Variants in RGSL1 observed in about 807,000 individuals in gnomAD.
RGSL1 encodes the protein regulator of G protein signaling like 1.
Under a neutral mutation model 124.7 loss-of-function variants are expected in RGSL1, and 97 were observed. The ratio of observed to expected loss-of-function variants is 0.78; its 90% CI spans 0.66 to 0.92. The LOEUF is 0.92. Among genes scored for constraint, RGSL1 ranks in the 40% least tolerant of loss-of-function variants. RGSL1 has a pLI of 0.00. For missense variants in RGSL1, 1,233 were observed against 1,288.4 expected (o/e 0.96, Z 0.66); for synonymous variants, 424 against 438.1 (o/e 0.97, Z 0.40).
intron 4 of RGSL1, among the ~76,000 whole-genome samples, chr1:182,467,192 C>A (rs1653409638): frequency 6.6e-6 from 1 of 152,060 alleles, no homozygotes; most frequent in African/African-American, 2.4e-5. Flanking sequence ...CCATACTGCC[C>A]AAGGTAATTT....
chr1:182,510,315 G>A (rs1231540966), intron 9 of RGSL1, among the ~76,000 whole-genome samples: 1 of 36,708 alleles, frequency 2.7e-5, no homozygotes, highest in Non-Finnish European at 6.2e-5. Context: ...CACTTTGGGA[G>A]GCCAAGGCAG....
chr1:182,504,352 A>G (rs563128831), intron 9 of RGSL1, among the ~76,000 whole-genome samples: 2 of 151,684 alleles, frequency 1.3e-5, no homozygotes, highest in Admixed American at 1.3e-4. Flanking sequence ...TTCTTTGCTC[A>G]TGGTTTCCTT....
chr1:182,519,509 T>C (rs967232885), intron 9 of RGSL1, among the ~76,000 whole-genome samples: 2 of 152,148 alleles, frequency 1.3e-5, no homozygotes, highest in African/African-American at 2.4e-5. Flanking sequence ...TGTTTCTTTT[T>C]ACTCTCACAT....
intron 9 of RGSL1, among the ~76,000 whole-genome samples, chr1:182,511,284 C>T (rs1036820191): frequency 5.9e-5 from 9 of 152,164 alleles, no homozygotes; most frequent in African/African-American, 1.7e-4. Flanking sequence ...CCTGCCTCAG[C>T]CTCCCAAGTA....
Position 182,547,810 on chromosome 1 carries a change from G to A in RGSL1, c.2670-507G>A, listed in dbSNP as rs182868922. On this transcript the variant is annotated intron_variant, in intron 15 of 21. Transcript: ENST00000294854. Reference sequence around the variant, plus strand: ...CGGGAGGCCAAGCTTGCAGTGAGCCGAGATCACACCACTGCACTCCAGCCT... The same window carrying A: ...CGGGAGGCCAAGCTTGCAGTGAGCCAAGATCACACCACTGCACTCCAGCCT... Among the ~76,000 whole-genome samples the A allele has an allele frequency of 1.3e-4, 20 of 152,178 alleles. No individual in the cohort carries two copies. In the East Asian group the frequency reaches 1.4e-3, roughly 10 times the overall value.
At chr1:182,453,429 T>C (rs1322952582) in intron 1 of RGSL1, 1 of 153,618 alleles carries the variant, frequency 6.5e-6, no homozygotes, top group African/African-American at 2.4e-5. Context: ...TATGTTCTGC[T>C]CTGGGAAGCA....
At chr1:182,537,311 T>A (rs1037771264) in intron 14 of RGSL1, among the ~76,000 whole-genome samples, 1 of 152,186 alleles carries the variant, frequency 6.6e-6, no homozygotes, top group Non-Finnish European at 1.5e-5. Context: ...AGTCTATATG[T>A]ATAAGGAGTA....
intron 1 of RGSL1, chr1:182,450,392 T>C (rs1040918619): frequency 1.5e-5 from 9 of 599,880 alleles, no homozygotes; most frequent in Non-Finnish European, 1.8e-5. Flanking sequence ...GCCTTATTCA[T>C]AAGACAACTA....
At chr1:182,487,053 A>T (rs1303167017) in intron 6 of RGSL1, among the ~76,000 whole-genome samples, 6 of 152,124 alleles carry the variant, frequency 3.9e-5, no homozygotes, top group Non-Finnish European at 7.3e-5. Flanking sequence ...TTCATATTTA[A>T]TATATATTTA....
rs546765974 is a variant in RGSL1 at position 182,462,610 on chromosome 1, T to A, written c.301+2477T>A. On this transcript the variant is annotated intron_variant, in intron 4 of 21. Transcript: ENST00000294854. ...TTTGGTTGGTAACTCCACATTAAAT[T>A]TTGTTTTCCACATAATTTAAGATAT... Among the ~76,000 whole-genome samples the A allele has an allele frequency of 7.9e-4, 121 of 152,338 alleles. 1 individual carries two copies. In the Middle Eastern group the frequency reaches 0.034, roughly 43 times the overall value.
Position 182,474,060 on chromosome 1 carries a change from A to G in RGSL1, c.949A>G (p.Ile317Val). Residue 317 changes from isoleucine to valine, a missense_variant, in exon 6 of 22, where the codon ATA becomes GTA. Physicochemically the swap from Ile to Val is conservative, Grantham distance 29 (BLOSUM62 3). Transcript: ENST00000294854. ...SLEKDMHYAK[I>V]SSMENKAKSH... is the part of the protein sequence containing the mutation. ...GGAAAAGGATATGCATTATGCAAAA[A>G]TATCCAGCATGGAGAATAAAGCCAA... is the stretch of plus-strand genomic sequence containing the variant. The G allele has an allele frequency of 6.4e-7, 1 of 1,551,820 alleles. No homozygotes were observed. Among genetic ancestry groups the G allele is most frequent in the Non-Finnish European group, 8.7e-7 (1 of 1,147,004 alleles).
At chr1:182,534,945 CA>C (rs1380994907) in intron 14 of RGSL1, among the ~76,000 whole-genome samples, 1 of 152,144 alleles carries the variant, frequency 6.6e-6, no homozygotes, top group Non-Finnish European at 1.5e-5. Context: ...TCCACTTCCC[CA>C]ACATTATGTG....
rs540454262 is a variant in RGSL1 at position 182,534,556 on chromosome 1, G to A, written c.2494+1765G>A. On this transcript the variant is annotated intron_variant, in intron 14 of 21. Coordinates refer to ENST00000294854, the MANE Select transcript of RGSL1 (RefSeq NM_001137669.2). ...ATAATAGTTCTAGCAGGCTGGGCAC[G>A]GTGGCTTACGCCTGTAATCTCAGTA... Among the ~76,000 whole-genome samples the A allele has an allele frequency of 4.6e-5, 7 of 152,262 alleles. No individual in the cohort carries two copies. In the South Asian group the frequency reaches 1.5e-3, roughly 32 times the overall value.
chr1:182,473,500 A>T, intron 5 of RGSL1, 75 bp from the exon 6 acceptor site: 1 of 1,434,784 alleles, frequency 7.0e-7, no homozygotes, highest in South Asian at 1.5e-5. Flanking sequence ...GAAAAAAATT[A>T]AAAACCTCTC....
chr1:182,545,230 T>C (rs1293188945), intron 15 of RGSL1, among the ~76,000 whole-genome samples: 2 of 152,160 alleles, frequency 1.3e-5, no homozygotes, highest in Non-Finnish European at 2.9e-5. Context: ...TTTAAAGAGA[T>C]GGCAGCTTAT....
At chr1:182,488,119 A>C (rs1655233059) in intron 6 of RGSL1, among the ~76,000 whole-genome samples, 166 bp from the exon 7 acceptor site, 1 of 152,262 alleles carries the variant, frequency 6.6e-6, no homozygotes, top group Non-Finnish European at 1.5e-5. Flanking sequence ...CAGAGATAAA[A>C]GAATGCCTCC....
rs148742250 is a variant in RGSL1 at position 182,547,536 on chromosome 1, T to C, written c.2670-781T>C. On this transcript the variant is annotated intron_variant, in intron 15 of 21. Coordinates refer to ENST00000294854, the MANE Select transcript of RGSL1 (RefSeq NM_001137669.2). ...CAACCAGCGTAGCCTATTAAAAACATAAACCAGACTAGATTATTCTCCTGC... is the reference window on the plus strand; with the variant it reads ...CAACCAGCGTAGCCTATTAAAAACACAAACCAGACTAGATTATTCTCCTGC... Among the ~76,000 whole-genome samples the C allele has an allele frequency of 1.7e-4, 26 of 152,242 alleles. 1 individual carries two copies. In the East Asian group the frequency reaches 4.8e-3, roughly 28 times the overall value.
intron 1 of RGSL1, chr1:182,453,522 G>C (rs1652019695): frequency 6.4e-6 from 1 of 156,136 alleles, no homozygotes; most frequent in African/African-American, 2.4e-5. Context: ...ATGGGTTGAA[G>C]AATTGCCTGG....
chr1:182,528,088 A>C (rs1658886991), intron 11 of RGSL1, among the ~76,000 whole-genome samples: 1 of 152,178 alleles, frequency 6.6e-6, no homozygotes, highest in Non-Finnish European at 1.5e-5. Flanking sequence ...GGAAACTTAT[A>C]ATCATGGCAG....
Sources: gnomAD v4.1 joint callset for allele counts (sites outside exome capture counted in the v4.1 genomes callset) on GRCh38, gnomAD v4.1.1 for gene constraint, MANE v1.5 for transcripts, NCBI Gene and HGNC (gene_info 2026-07-23, HGNC 2026-07-21) for gene names.